Variants in MTA3 observed in about 807,000 individuals in gnomAD.
MTA3 encodes metastasis-associated protein MTA3.
In MTA3, 34 loss-of-function variants were observed where a neutral mutation model predicts 83.5. The observed-to-expected ratio is 0.41, with a 90% CI of 0.31 to 0.54. The LOEUF is 0.54. MTA3 is among the 20% of genes least tolerant of loss of function. The pLI is 0.33. For missense variants in MTA3, 761 were observed against 726.4 expected (o/e 1.05, Z -0.55); for synonymous variants, 303 against 252.7 (o/e 1.20, Z -1.89).
At chr2:42,667,742 C>T (rs1690415801) in intron 8 of MTA3, among the ~76,000 whole-genome samples, 1 of 151,970 alleles carries the variant, frequency 6.6e-6, no homozygotes, top group Non-Finnish European at 1.5e-5. Context: ...TCAAGTGATC[C>T]TCCTACTTGA....
At position 42,502,281 on chromosome 2, in the gene MTA3, ACCT is replaced by A. The variant is rs1674430725; in HGVS notation, c.-141+7033_-141+7035del. Among the ~76,000 whole-genome samples the A allele has an allele frequency of 3.3e-5, 5 of 152,142 alleles. No individual in the cohort carries two copies. In the South Asian group the frequency reaches 1.0e-3, roughly 32 times the overall value. On this transcript the variant is annotated intron_variant, in intron 2 of 17. Coordinates refer to the MTA3 transcript ENST00000405592. ...ACGTTGGCTCTGGCCTGCAAGTGTG[ACCT>A]CCTCCAGGACCCTCAGGAAGAATTT...
At chr2:42,517,020 G>A (rs1675174023) in intron 2 of MTA3, among the ~76,000 whole-genome samples, 1 of 152,182 alleles carries the variant, frequency 6.6e-6, no homozygotes, top group Admixed American at 6.5e-5. Context: ...AGCACTTTGG[G>A]AGGCCGAGGC....
At chr2:42,691,620 A>G (rs1692908535) in intron 9 of MTA3, among the ~76,000 whole-genome samples, 1 of 152,150 alleles carries the variant, frequency 6.6e-6, no homozygotes, top group Admixed American at 6.5e-5. Context: ...CAGGTTTTGT[A>G]CCTTCAGATG....
chr2:42,631,623 C>T (rs909594045), intron 4 of MTA3, among the ~76,000 whole-genome samples: 3 of 152,080 alleles, frequency 2.0e-5, no homozygotes, highest in Non-Finnish European at 4.4e-5. Context: ...GCTATCTGTC[C>T]CCTCAAGCAT....
chr2:42,715,748 T>C (rs1219882674), intron 14 of MTA3, among the ~76,000 whole-genome samples: 2 of 152,154 alleles, frequency 1.3e-5, no homozygotes, highest in Non-Finnish European at 2.9e-5. Context: ...GATGGATTTG[T>C]TGATGATAGC....
intron 6 of MTA3, among the ~76,000 whole-genome samples, chr2:42,646,361 A>G (rs186679579): frequency 8.7e-4 from 133 of 152,344 alleles, no homozygotes; most frequent in South Asian, 1.4e-3. Flanking sequence ...TTATTAAGAA[A>G]TAACATCACC....
At chr2:42,710,542 T>G (rs1558608441) in intron 14 of MTA3, among the ~76,000 whole-genome samples, 1 of 121,132 alleles carries the variant, frequency 8.3e-6, no homozygotes. Flanking sequence ...TGAGCGAAAC[T>G]TCATCTCAAA....
In MTA3 at chr2:42,714,073, G is replaced by A. The variant is rs79187458; in HGVS notation, c.1526-4915G>A. 2.6e-4 allele frequency among the ~76,000 whole-genome samples: 40 copies of A among 152,302 alleles called. 4 individuals carry two copies. In the East Asian group the frequency reaches 7.7e-3, roughly 29 times the overall value. ...CTATTTCTCTAGAACTTTGCTGGCA[G>A]TGTTACCCATCTTTGAAACCCGTGA... On this transcript the variant is annotated intron_variant, in intron 14 of 16. Transcript: ENST00000405094.
chr2:42,690,863 TA>T (rs1553385676), intron 9 of MTA3, among the ~76,000 whole-genome samples: 3 of 144,384 alleles, frequency 2.1e-5, no homozygotes, highest in African/African-American at 7.7e-5. Context: ...TTATTTTATT[TA>T]TTTATTTATT....
intron 8 of MTA3, 61 bp downstream of exon 8, chr2:42,659,923 G>A: frequency 7.4e-7 from 1 of 1,347,942 alleles, no homozygotes; most frequent in Non-Finnish European, 1.0e-6. Context: ...TAATTTTAAA[G>A]CCATTGTGGC....
At chr2:42,597,682 C>CTT (rs1356177655) in intron 3 of MTA3, among the ~76,000 whole-genome samples, 1 of 54,250 alleles carries the variant, frequency 1.8e-5, no homozygotes, top group Non-Finnish European at 3.3e-5. Flanking sequence ...CCTCACCCAC[C>CTT]TGTTTTTTTT....
chr2:42,574,086 T>G (rs1043621594), intron 2 of MTA3, among the ~76,000 whole-genome samples: 4 of 151,534 alleles, frequency 2.6e-5, no homozygotes, highest in African/African-American at 7.3e-5. Context: ...TCCGCCTGCC[T>G]CGGCCTCCCA....
intron 16 of MTA3, among the ~76,000 whole-genome samples, chr2:42,723,528 C>G (rs1301125571): frequency 6.6e-6 from 1 of 152,078 alleles, no homozygotes; most frequent in Non-Finnish European, 1.5e-5. Flanking sequence ...GGGTGATGTC[C>G]TAAATACAGA....
intron 12 of MTA3, 109 bp from the exon 13 acceptor site, chr2:42,707,794 A>G (rs962915685): frequency 3.3e-6 from 4 of 1,217,626 alleles, no homozygotes; most frequent in Non-Finnish European, 3.4e-6. Context: ...GGGAACAATA[A>G]CATTGTAAAC....
chr2:42,724,231 C>G (rs995120007), intron 16 of MTA3, among the ~76,000 whole-genome samples: 2 of 142,778 alleles, frequency 1.4e-5, no homozygotes, highest in African/African-American at 5.1e-5. Context: ...CCTGGCCTTT[C>G]TAGGCATATA....
At chr2:42,544,455 AAAAAACAAAAAC>A (rs1009257615) in intron 2 of MTA3, among the ~76,000 whole-genome samples, 2 of 151,718 alleles carry the variant, frequency 1.3e-5, no homozygotes, top group African/African-American at 4.9e-5. Context: ...CCATCTCAAA[AAAAAACAAAAAC>A]AAAAACAAAA....
At chr2:42,604,893 G>C (rs1249237092) in intron 3 of MTA3, among the ~76,000 whole-genome samples, 1 of 148,680 alleles carries the variant, frequency 6.7e-6, no homozygotes, top group African/African-American at 2.5e-5. Context: ...AGAGCACAGG[G>C]TTGGGGGTAA....
At chr2:42,516,255 A>G (rs1480005929) in intron 2 of MTA3, among the ~76,000 whole-genome samples, 1 of 152,142 alleles carries the variant, frequency 6.6e-6, no homozygotes, top group Non-Finnish European at 1.5e-5. Context: ...AAGCTCAGTC[A>G]ATATTAAAGT....
intron 16 of MTA3, among the ~76,000 whole-genome samples, chr2:42,742,298 C>G (rs1361488056): frequency 6.6e-6 from 1 of 152,014 alleles, no homozygotes; most frequent in African/African-American, 2.4e-5. Context: ...GTCACCACAC[C>G]CAGCTAATTT....
Sources: allele counts gnomAD v4.1 joint callset (sites outside exome capture counted in the v4.1 genomes callset), GRCh38; gene constraint gnomAD v4.1.1; transcripts MANE v1.5; gene names NCBI Gene and HGNC (gene_info 2026-07-23, HGNC 2026-07-21).